Variants in KCNIP4 observed in about 807,000 individuals in gnomAD.
The protein encoded by KCNIP4 is Kv channel-interacting protein 4.
KCNIP4 carries 12 observed loss-of-function variants against 34.0 expected under a neutral mutation model. That is an observed-to-expected ratio of 0.35 (90% CI 0.23 to 0.57). The LOEUF (loss-of-function observed/expected upper bound fraction) is 0.57, where lower values mean the gene tolerates loss of function less well. KCNIP4 is among the 20% of genes least tolerant of loss of function. KCNIP4 has a pLI of 0.83. For synonymous variants in KCNIP4, 124 were observed against 102.2 expected (o/e 1.21, Z -1.29); for missense variants, 238 against 311.7 (o/e 0.76, Z 1.78).
chr4:20,886,284 T>A (rs1725303488), intron 1 of KCNIP4, among the ~76,000 whole-genome samples: 2 of 152,182 alleles, frequency 1.3e-5, no homozygotes, highest in Non-Finnish European at 2.9e-5. Flanking sequence ...GGCTCGCCCC[T>A]GCCTGGTGAC....
chr4:21,667,963 T>G (rs181373677), intron 1 of KCNIP4, among the ~76,000 whole-genome samples: 14 of 152,306 alleles, frequency 9.2e-5, no homozygotes, highest in African/African-American at 2.9e-4. Flanking sequence ...CTATTTAGCA[T>G]AGTATCTCAC....
chr4:21,041,447 T>A (rs1355610678), intron 1 of KCNIP4, among the ~76,000 whole-genome samples: 1 of 152,126 alleles, frequency 6.6e-6, no homozygotes, highest in Non-Finnish European at 1.5e-5. Context: ...ACCTTCACAT[T>A]TCAAAAAAGT....
chr4:20,854,234 C>A (rs542208972), intron 2 of KCNIP4, among the ~76,000 whole-genome samples: 1 of 152,248 alleles, frequency 6.6e-6, no homozygotes, highest in African/African-American at 2.4e-5. Context: ...AATCGTGGAA[C>A]CAACCCAAAT....
At chr4:21,291,941 A>AG (rs1763547670) in intron 1 of KCNIP4, among the ~76,000 whole-genome samples, 2 of 96,244 alleles carry the variant, frequency 2.1e-5, no homozygotes, top group African/African-American at 6.7e-5. Flanking sequence ...GAAAGAAAAA[A>AG]AAAGAAAAAA....
intron 1 of KCNIP4, among the ~76,000 whole-genome samples, chr4:21,061,092 GT>G (rs1256359625): frequency 2.6e-5 from 4 of 152,134 alleles, no homozygotes; most frequent in African/African-American, 7.2e-5. Context: ...GGTAGCACTT[GT>G]GGCAAGATCT....
intron 3 of KCNIP4, among the ~76,000 whole-genome samples, chr4:20,791,986 T>C (rs1345398178): frequency 6.6e-6 from 1 of 152,174 alleles, no homozygotes; most frequent in Non-Finnish European, 1.5e-5. Flanking sequence ...CTCACAGACA[T>C]GTAAATCAGT....
chr4:20,754,818 G>A (rs373592829), intron 4 of KCNIP4, among the ~76,000 whole-genome samples: 3 of 152,072 alleles, frequency 2.0e-5, no homozygotes, highest in African/African-American at 4.8e-5. Context: ...TAATTTTAAT[G>A]TGGAGCTCTA....
chr4:21,915,352 G>A (rs919440030), intron 1 of KCNIP4, among the ~76,000 whole-genome samples: 2 of 152,194 alleles, frequency 1.3e-5, no homozygotes, highest in Non-Finnish European at 2.9e-5. Flanking sequence ...TAATCTTATT[G>A]AGACTCTTCT....
At chr4:21,789,877 A>T (rs950463409) in intron 1 of KCNIP4, among the ~76,000 whole-genome samples, 1 of 152,244 alleles carries the variant, frequency 6.6e-6, no homozygotes, top group Admixed American at 6.5e-5. Flanking sequence ...ACTATTACTT[A>T]AGAAAATGAA....
At chr4:21,812,826 A>G (rs1042599450) in intron 1 of KCNIP4, among the ~76,000 whole-genome samples, 2 of 152,170 alleles carry the variant, frequency 1.3e-5, no homozygotes, top group Admixed American at 1.3e-4. Context: ...TCACTGGTTT[A>G]CCTACTGTCT....
chr4:21,925,429 C>T (rs557545671), intron 1 of KCNIP4, among the ~76,000 whole-genome samples: 1 of 152,262 alleles, frequency 6.6e-6, no homozygotes, highest in African/African-American at 2.4e-5. Flanking sequence ...TTTTTTATGG[C>T]TGCATAGTAT....
chr4:20,865,702 G>C (rs1295088905), intron 2 of KCNIP4, among the ~76,000 whole-genome samples: 1 of 151,950 alleles, frequency 6.6e-6, no homozygotes, highest in African/African-American at 2.4e-5. Context: ...GGTTAAAGTG[G>C]GGAGGAACTA....
chr4:21,502,794 G>T (rs961665860), intron 1 of KCNIP4, among the ~76,000 whole-genome samples: 1 of 152,174 alleles, frequency 6.6e-6, no homozygotes, highest in Non-Finnish European at 1.5e-5. Flanking sequence ...TTTTGCCACA[G>T]AGTGCGGGCT....
chr4:21,409,533 A>G (rs1190685499), intron 1 of KCNIP4, among the ~76,000 whole-genome samples: 1 of 152,216 alleles, frequency 6.6e-6, no homozygotes, highest in Non-Finnish European at 1.5e-5. Context: ...ATACTGCAAC[A>G]TTTATAAACA....
At chr4:20,917,648 A>T (rs765859560) in intron 1 of KCNIP4, among the ~76,000 whole-genome samples, 1 of 152,186 alleles carries the variant, frequency 6.6e-6, no homozygotes, top group Admixed American at 6.5e-5. Context: ...TGAAAAAAAG[A>T]TTGAAAGCAC....
chr4:21,389,162 T>A (rs1000547381), intron 1 of KCNIP4, among the ~76,000 whole-genome samples: 6 of 151,960 alleles, frequency 3.9e-5, no homozygotes, highest in African/African-American at 1.2e-4. Context: ...ATTTTTTTTA[T>A]AGAGATAGGG....
At chr4:20,845,529 C>T (rs1405830626) in intron 3 of KCNIP4, among the ~76,000 whole-genome samples, 5 of 152,082 alleles carry the variant, frequency 3.3e-5, no homozygotes, top group Admixed American at 2.6e-4. Flanking sequence ...GGACTCAGCC[C>T]GCTCACATCC....
chr4:20,772,855 A>T (rs1291670479), intron 3 of KCNIP4, among the ~76,000 whole-genome samples: 1 of 151,888 alleles, frequency 6.6e-6, no homozygotes, highest in African/African-American at 2.4e-5. Context: ...GCTAATCTCG[A>T]ACTCCTGACC....
chr4:20,776,113 A>G (rs1295394570), intron 3 of KCNIP4, among the ~76,000 whole-genome samples: 1 of 152,206 alleles, frequency 6.6e-6, no homozygotes, highest in Non-Finnish European at 1.5e-5. Flanking sequence ...GAGCTCATGG[A>G]TAGTCTAGAC....
Sources: gnomAD v4.1 joint callset for allele counts (sites outside exome capture counted in the v4.1 genomes callset) on GRCh38, gnomAD v4.1.1 for gene constraint, MANE v1.5 for transcripts, NCBI Gene and HGNC (gene_info 2026-07-23, HGNC 2026-07-21) for gene names.